The following C12orf50 variants were observed in gnomAD, a reference collection of about 807,000 sequenced individuals.
C12orf50 encodes zinc finger CCCH-type containing 11D.
Under a neutral mutation model 61.6 loss-of-function variants are expected in C12orf50, and 35 were observed. The ratio of observed to expected loss-of-function variants is 0.57; its 90% CI spans 0.43 to 0.75. C12orf50 has a LOEUF of 0.75. C12orf50 is among the 30% of genes least tolerant of loss of function. C12orf50 has a pLI of 0.00. For synonymous variants in C12orf50, 178 were observed against 161.5 expected (o/e 1.10, Z -0.77); for missense variants, 475 against 488.5 (o/e 0.97, Z 0.26).
intron 1 of C12orf50, 198 bp downstream of exon 1, chr12:88,029,142 T>TC: frequency 8.0e-7 from 1 of 1,257,536 alleles, no homozygotes; most frequent in Non-Finnish European, 1.0e-6. Context: ...TTGCTGCTAA[T>TC]CCAATGGTTT....
intron 3 of C12orf50, among the ~76,000 whole-genome samples, chr12:88,008,394 C>A (rs1044083127): frequency 6.6e-6 from 1 of 152,094 alleles, no homozygotes; most frequent in Non-Finnish European, 1.5e-5. Context: ...AGAATATGAT[C>A]TCATTCTTTT....
At chr12:87,997,208 A>G (rs997838270) in intron 4 of C12orf50, among the ~76,000 whole-genome samples, 2 of 152,194 alleles carry the variant, frequency 1.3e-5, no homozygotes, top group African/African-American at 4.8e-5. Context: ...AGAATAATGC[A>G]GATGACAGTG....
chr12:87,986,203 G>A, intron 10 of C12orf50, 109 bp downstream of exon 10: 2 of 1,221,944 alleles, frequency 1.6e-6, no homozygotes, highest in East Asian at 2.5e-5. Context: ...GACCCCTAAA[G>A]TAACATTTAC....
At position 87,996,387 on chromosome 12, in the gene C12orf50, A is replaced by G. The variant is rs765402318; in HGVS notation, c.468T>C (p.Ser156=). 6.2e-7 allele frequency: 1 copy of G among 1,608,260 alleles called. No homozygotes were observed. Among genetic ancestry groups the G allele is most frequent in the Non-Finnish European group, 8.5e-7 (1 of 1,175,124 alleles). ...KQLEKPLENG[S]ELQEGDSLTV... is the part of the protein sequence containing the mutation. ...TTCATTTCTTACCTTCTTGCAATTCACTGCCATTTTCCAAAGGCTTTTCTA... is the reference window on the plus strand; with the variant it reads ...TTCATTTCTTACCTTCTTGCAATTCGCTGCCATTTTCCAAAGGCTTTTCTA... The change falls in exon 6 of 13, where the codon AGT becomes AGC. Residue 156 remains serine (S), a synonymous_variant. Coordinates refer to ENST00000298699, the MANE Select transcript of C12orf50 (RefSeq NM_152589.3).
At chr12:87,983,390 G>GTT (rs145140053) in intron 11 of C12orf50, 195 bp from the exon 12 acceptor site, 1 of 351,280 alleles carries the variant, frequency 2.8e-6, no homozygotes, top group African/African-American at 2.2e-5. Context: ...GTTTTTTTTT[G>GTT]TTTTTTTTAT....
intron 9 of C12orf50, among the ~76,000 whole-genome samples, chr12:87,987,533 T>C (rs1281276767): frequency 6.6e-6 from 1 of 152,068 alleles, no homozygotes; most frequent in East Asian, 1.9e-4. Context: ...CAAAACATAA[T>C]AAAAAGCTGC....
chr12:87,995,885 G>A (rs1352450841), intron 6 of C12orf50, among the ~76,000 whole-genome samples: 2 of 152,134 alleles, frequency 1.3e-5, no homozygotes, highest in Non-Finnish European at 2.9e-5. Context: ...AAAGGTAAGC[G>A]CCATAAAAAG....
intron 12 of C12orf50, among the ~76,000 whole-genome samples, chr12:87,980,675 C>T (rs1270201434): frequency 6.6e-6 from 1 of 152,112 alleles, no homozygotes; most frequent in Non-Finnish European, 1.5e-5. Context: ...CAGCAATATC[C>T]CTATTACAAA....
intron 8 of C12orf50, among the ~76,000 whole-genome samples, chr12:87,988,280 C>T (rs547191519): frequency 6.6e-6 from 1 of 152,218 alleles, no homozygotes; most frequent in African/African-American, 2.4e-5. Flanking sequence ...TGAATGGTCC[C>T]ATTTAAATTG....
intron 6 of C12orf50, among the ~76,000 whole-genome samples, chr12:87,995,226 G>C (rs1235922398): frequency 1.3e-5 from 2 of 152,032 alleles, no homozygotes; most frequent in African/African-American, 4.8e-5. Context: ...AAATAAAAGA[G>C]ACATGACAAC....
At chr12:87,988,121 C>T (rs2030926269) in intron 8 of C12orf50, among the ~76,000 whole-genome samples, 155 bp from the exon 9 acceptor site, 3 of 152,000 alleles carry the variant, frequency 2.0e-5, no homozygotes, top group African/African-American at 4.8e-5. Context: ...ATTAACATTC[C>T]CTAGTTGCCA....
chr12:88,019,369 G>A (rs2032430267), intron 3 of C12orf50, among the ~76,000 whole-genome samples: 1 of 152,122 alleles, frequency 6.6e-6, no homozygotes. Context: ...CCAGACATGT[G>A]GAACTATAAG....
intron 11 of C12orf50, chr12:87,983,405 A>C (rs973814528): frequency 3.2e-6 from 1 of 309,250 alleles, no homozygotes; most frequent in Non-Finnish European, 6.0e-6. Context: ...TTTTATTATT[A>C]TTATACTTTA....
At chr12:87,999,281 C>T (rs942230465) in intron 3 of C12orf50, among the ~76,000 whole-genome samples, 1 of 151,990 alleles carries the variant, frequency 6.6e-6, no homozygotes, top group Non-Finnish European at 1.5e-5. Flanking sequence ...AAAAATTAGC[C>T]AAGTGTGATG....
At chr12:87,989,135 C>G (rs1042309109) in intron 8 of C12orf50, 129 bp downstream of exon 8, 1 of 629,918 alleles carries the variant, frequency 1.6e-6, no homozygotes, top group Non-Finnish European at 2.7e-6. Context: ...AACCTTAGAG[C>G]TCTTGACTCC....
At chr12:87,984,233 GGTT>G (rs1357190819) in intron 11 of C12orf50, 3 of 151,978 alleles carry the variant, frequency 2.0e-5, no homozygotes, top group Non-Finnish European at 4.4e-5. Context: ...TTTTTGATGG[GGTT>G]GTTTGTTTGT....
rs1592646430 is a variant in C12orf50 at position 87,986,470 on chromosome 12, A to G, written c.818-54T>C. Reference sequence around the variant, plus strand: ...TTTAAGAGATGCTTTCATCTCTGAAATTACTGTAGGTGATAATTACATATC... The same window carrying G: ...TTTAAGAGATGCTTTCATCTCTGAAGTTACTGTAGGTGATAATTACATATC... On this transcript the variant is annotated intron_variant, in intron 9 of 12. Transcript: ENST00000298699. 6 of 1,285,330 alleles carry G rather than the reference A, an allele frequency of 4.7e-6. No homozygotes were observed. The Admixed American group carries it at 1.2e-4, about 25-fold the overall frequency. 79.6% of individuals were successfully genotyped at this position (1,285,330 alleles called of 1,614,324 possible).
Position 87,985,930 on chromosome 12 carries a change from G to A in C12orf50, c.1046C>T (p.Ala349Val). ...ATGCGTGGGCCTGCTGCGGGAAGGT[G>A]CATTCAACGCGACAGTCCTGACAGC... ...RDAVRTVALN[A>V]PSRSRPTHGS... Residue 349 changes from alanine to valine, a missense_variant, in exon 11 of 13, where the codon GCA (alanine) becomes GTA (valine). Physicochemically the swap from Ala to Val is moderately conservative, Grantham distance 64. Coordinates refer to ENST00000298699, the MANE Select transcript of C12orf50 (RefSeq NM_152589.3). 6.2e-7 allele frequency: 1 copy of A among 1,613,892 alleles called. No homozygotes were observed. Among genetic ancestry groups the A allele is most frequent in the Non-Finnish European group, 8.5e-7 (1 of 1,179,880 alleles).
At chr12:87,985,828 C>T (rs1291166302) in intron 11 of C12orf50, 22 bp downstream of exon 11, 1 of 1,610,732 alleles carries the variant, frequency 6.2e-7, no homozygotes. Flanking sequence ...CAAGAGTAAA[C>T]CACATCAACA....
Sources: allele counts gnomAD v4.1 joint callset (sites outside exome capture counted in the v4.1 genomes callset), GRCh38; gene constraint gnomAD v4.1.1; transcripts MANE v1.5; gene names NCBI Gene and HGNC (gene_info 2026-07-23, HGNC 2026-07-21).